Variants in CA5B observed in about 807,000 individuals in gnomAD.
CA5B encodes the protein carbonic anhydrase 5B, mitochondrial.
A neutral mutation model predicts 23.1 loss-of-function variants in CA5B; 15 were observed. The ratio of observed to expected loss-of-function variants is 0.65; its 90% CI spans 0.43 to 1.00. The LOEUF is 1.00. CA5B is among the 50% of genes least tolerant of loss of function. The pLI is 0.00. For missense variants in CA5B, 236 were observed against 252.2 expected, an observed-to-expected ratio of 0.94 and a Z score of 0.43; for synonymous variants, 84 against 98.5, an observed-to-expected ratio of 0.85 and a Z score of 0.87.
chrX:15,743,671 C>T (rs1341684767), intron 1 of CA5B, among the ~76,000 whole-genome samples: 1 of 111,747 alleles, frequency 8.9e-6, no homozygotes, highest in East Asian at 2.8e-4. Flanking sequence ...CTCCTGTACC[C>T]ATGGAATAAT....
chrX:15,758,429 A>G (rs998060979), intron 2 of CA5B, among the ~76,000 whole-genome samples: 1 of 112,405 alleles, frequency 8.9e-6, no homozygotes, highest in African/African-American at 3.2e-5. Context: ...GTCACCTCCC[A>G]GTGGCCTCAG....
At chrX:15,767,199 A>T (rs1931725562) in intron 3 of CA5B, 1 of 319,057 alleles carries the variant, frequency 3.1e-6, no homozygotes, top group South Asian at 1.6e-4. Context: ...TCTTCTGGGG[A>T]TCCTTGGTAT....
At chrX:15,769,144 A>C (rs934363946) in intron 3 of CA5B, among the ~76,000 whole-genome samples, 1 of 112,042 alleles carries the variant, frequency 8.9e-6, no homozygotes, top group East Asian at 2.8e-4. Flanking sequence ...AATGAAATCA[A>C]AAGTTGGTTC....
chrX:15,774,530 G>A lies in CA5B; in HGVS notation c.555+133G>A. On this transcript the variant is annotated intron_variant, in intron 5 of 7. Coordinates refer to ENST00000318636, the MANE Select transcript of CA5B (RefSeq NM_007220.4). ...AAGATAAATAGTGCTTGAAGTACAG[G>A]ATTGTTAAGAATATATTTTAGGGCC... 3 of 823,773 alleles carry A rather than the reference G, an allele frequency of 3.6e-6. No homozygotes were observed. The South Asian group carries it at 9.7e-5, about 27-fold the overall frequency. 67.9% of individuals were successfully genotyped at this position (823,773 alleles called of 1,213,427 possible). A position where few individuals can be genotyped will look rare whatever the true frequency, so the allele number is the denominator to read the frequency against.
intron 6 of CA5B, chrX:15,775,925 C>T: frequency 1.3e-6 from 1 of 750,970 alleles, no homozygotes; most frequent in African/African-American, 2.3e-5. Context: ...CTACCTCTTT[C>T]CCTCTCCTCT....
At chrX:15,757,430 C>T (rs1384294862) in intron 2 of CA5B, among the ~76,000 whole-genome samples, 9 of 111,145 alleles carry the variant, frequency 8.1e-5, no homozygotes. Context: ...GCAGGAGAAT[C>T]GCTTGAACCT....
intron 3 of CA5B, chrX:15,765,254 G>C (rs1569278326): frequency 3.1e-6 from 1 of 323,122 alleles, no homozygotes; most frequent in African/African-American, 2.9e-5. Flanking sequence ...TCATGTATTA[G>C]AGAAATGGAA....
At chrX:15,770,882 G>A (rs754123692) in intron 3 of CA5B, among the ~76,000 whole-genome samples, 1 of 109,255 alleles carries the variant, frequency 9.2e-6, no homozygotes, top group Admixed American at 9.8e-5. Flanking sequence ...ATTCTCCTGC[G>A]TCAGCCTCCC....
intron 3 of CA5B, among the ~76,000 whole-genome samples, chrX:15,766,543 G>A (rs1041109537): frequency 9.1e-6 from 1 of 110,445 alleles, no homozygotes; most frequent in African/African-American, 3.3e-5. Flanking sequence ...CTTTTTTTGC[G>A]TTGTTATTTA....
At chrX:15,743,855 C>T (rs1931171502) in intron 1 of CA5B, among the ~76,000 whole-genome samples, 1 of 111,677 alleles carries the variant, frequency 9.0e-6, no homozygotes, top group African/African-American at 3.3e-5. Flanking sequence ...GGCTTTCTTT[C>T]AGAAAAACAG....
At chrX:15,772,929 G>C (rs1931849028) in intron 4 of CA5B, among the ~76,000 whole-genome samples, 1 of 111,730 alleles carries the variant, frequency 9.0e-6, no homozygotes, top group African/African-American at 3.3e-5. Flanking sequence ...AGTTTGCGGT[G>C]GTGGGAGCCT....
chrX:15,763,990 G>GC (rs1188639175), intron 2 of CA5B, among the ~76,000 whole-genome samples: 4 of 111,160 alleles, frequency 3.6e-5, no homozygotes, highest in Non-Finnish European at 7.5e-5. Context: ...GTTCTCTCTG[G>GC]CCCCCCAGCA....
chrX:15,767,321 T>A (rs1931727736), intron 3 of CA5B, among the ~76,000 whole-genome samples: 1 of 112,216 alleles, frequency 8.9e-6, no homozygotes, highest in Non-Finnish European at 1.9e-5. Flanking sequence ...CTTAACTAAG[T>A]GACTTGAGCC....
intron 7 of CA5B, among the ~76,000 whole-genome samples, chrX:15,779,694 T>TAA (rs1931987799): frequency 9.0e-6 from 1 of 111,401 alleles, no homozygotes; most frequent in Admixed American, 9.6e-5. Context: ...ATATTACATG[T>TAA]AAAAACTACC....
intron 3 of CA5B, among the ~76,000 whole-genome samples, chrX:15,770,453 C>A (rs1476227531): frequency 8.9e-6 from 1 of 111,754 alleles, no homozygotes. Context: ...TTGTTTCTTT[C>A]CTTTTTTTCT....
At chrX:15,774,841 C>G (rs984566155) in intron 5 of CA5B, among the ~76,000 whole-genome samples, 1 of 111,627 alleles carries the variant, frequency 9.0e-6, no homozygotes, top group Non-Finnish European at 1.9e-5. Flanking sequence ...CCATCCCCCC[C>G]ACCACCAAAA....
chrX:15,764,643 C>T lies in CA5B; in HGVS notation c.208C>T (p.Arg70Trp), dbSNP rs915071101. Reference protein sequence around the residue: ...GGDRQSPINIRWRDSVYDPGL... With the variant: ...GGDRQSPINIWWRDSVYDPGL... ...CGATCGCCAGTCACCCATCAACATT[C>T]GGTGGAGGGACAGTGTTTATGATCC... The change falls in exon 3 of 8, where the codon CGG (arginine) becomes TGG (tryptophan). Residue 70 changes from arginine to tryptophan, a missense_variant. Coordinates refer to ENST00000318636, the MANE Select transcript of CA5B (RefSeq NM_007220.4). 8.4e-6 allele frequency: 10 copies of T among 1,186,702 alleles called. No homozygotes were observed. Among genetic ancestry groups the T allele is most frequent in the Non-Finnish European group, 1.1e-5 (10 of 884,535 alleles).
chrX:15,787,175 C>A lies in CA5B; in HGVS notation c.*4511C>A, dbSNP rs1368773642. 1.8e-5 allele frequency: 2 copies of A among 111,723 alleles called. No homozygotes were observed. The highest frequency in any genetic ancestry group is 3.8e-5 in the Non-Finnish European group (2 of 53,159). The allele number at this position is 111,723 out of a possible 1,213,427, so 9.2% of individuals were successfully genotyped here. A position where few individuals can be genotyped will look rare whatever the true frequency, so the allele number is the denominator to read the frequency against. On this transcript the variant is annotated 3_prime_UTR_variant, in exon 8 of 8. Transcript: ENST00000318636. ...ACTCATTGGGCAAAGCTTTAAAGTACATCCTCCTTCCAGGGGAAAGAGGAA... is the reference window on the plus strand; with the variant it reads ...ACTCATTGGGCAAAGCTTTAAAGTAAATCCTCCTTCCAGGGGAAAGAGGAA...
chrX:15,778,795 G>C (rs145142875), intron 7 of CA5B, among the ~76,000 whole-genome samples: 1 of 110,394 alleles, frequency 9.1e-6, no homozygotes, highest in South Asian at 3.8e-4. Context: ...CTTTTAAACC[G>C]TCAGATCTCA....
Sources: allele counts gnomAD v4.1 joint callset (sites outside exome capture counted in the v4.1 genomes callset), GRCh38; gene constraint gnomAD v4.1.1; transcripts MANE v1.5; gene names NCBI Gene and HGNC (gene_info 2026-07-23, HGNC 2026-07-21).